PKD1L1: variants seen among roughly 807,000 people sequenced by gnomAD.
PKD1L1 encodes the protein polycystin-1-like protein 1.
PKD1L1 carries 236 observed loss-of-function variants against 323.4 expected under a neutral mutation model. That is an observed-to-expected ratio of 0.73 (90% CI 0.66 to 0.81). PKD1L1 has a LOEUF of 0.81. Among genes scored for constraint, PKD1L1 ranks in the 40% least tolerant of loss-of-function variants. The probability of loss-of-function intolerance (pLI) is 0.00; values close to 1 mark genes in which losing one functional copy is unlikely to be tolerated. For synonymous variants in PKD1L1, 1,344 were observed against 1,335.0 expected (o/e 1.01, Z -0.15); for missense variants, 3,320 against 3,508.0 (o/e 0.95, Z 1.35).
In PKD1L1 at chr7:47,897,963, T is replaced by C. The variant is rs112773044; in HGVS notation, c.2271+25A>G. The C allele has an allele frequency of 2.5e-5, 40 of 1,570,274 alleles. No homozygotes were observed. In the South Asian group the frequency reaches 3.5e-4, roughly 14 times the overall value. On this transcript the variant is annotated intron_variant, in intron 14 of 56. Transcript: ENST00000289672. Reference sequence around the variant, plus strand: ...AGAAGCATGGGTTTCATTGGGCCAGTAGAGCAGTAAGTCAGCCAGCTGACC... The same window carrying C: ...AGAAGCATGGGTTTCATTGGGCCAGCAGAGCAGTAAGTCAGCCAGCTGACC...
In PKD1L1 at chr7:47,931,785, C is replaced by T. The variant is rs182043269; in HGVS notation, c.519+151G>A. 1.2e-3 allele frequency: 1,259 copies of T among 1,058,288 alleles called. 2 individuals carry two copies. Among genetic ancestry groups the T allele is most frequent in the Non-Finnish European group, 1.6e-3 (1,179 of 742,210 alleles). The allele number at this position is 1,058,288 out of a possible 1,614,324, so 65.6% of individuals were successfully genotyped here. A position where few individuals can be genotyped will look rare whatever the true frequency, so the allele number is the denominator to read the frequency against. On this transcript the variant is annotated intron_variant, in intron 5 of 56. Transcript: ENST00000289672. ...AAATTTTAGAGATGCCTTCAAACTG[C>T]CTGAGCAGTGTCCAAATGACTTAGA...
chr7:47,880,286 T>TA lies in PKD1L1; in HGVS notation c.3520+441_3520+442insT, dbSNP rs1264486018. 9.4e-4 allele frequency among the ~76,000 whole-genome samples: 71 copies of TA among 75,550 alleles called. 1 individual carries two copies. The highest frequency in any genetic ancestry group is 5.9e-3 in the East Asian group (19 of 3,242). The allele number at this position is 75,550 out of a possible 152,430, so 49.6% of individuals were successfully genotyped here. On this transcript the variant is annotated intron_variant, in intron 21 of 56. Coordinates refer to ENST00000289672, the MANE Select transcript of PKD1L1 (RefSeq NM_138295.5). ...TATACATATATATATATATATATAT[T>TA]TTTTTTTTTTTTTTTGAGACAGTCT... is the stretch of plus-strand genomic sequence containing the variant.
At chr7:47,811,571 C>T (rs1402286165) in intron 50 of PKD1L1, among the ~76,000 whole-genome samples, 1 of 152,238 alleles carries the variant, frequency 6.6e-6, no homozygotes, top group Non-Finnish European at 1.5e-5. Context: ...TTTGGTACCT[C>T]AAGACAGCTC....
intron 8 of PKD1L1, among the ~76,000 whole-genome samples, chr7:47,912,815 CAAAAAA>C (rs59792729): frequency 4.7e-5 from 3 of 63,636 alleles, no homozygotes; most frequent in Admixed American, 2.1e-4. Context: ...GACTGTGTCT[CAAAAAA>C]AAAAAAAAAA....
chr7:47,908,037 G>C (rs759258486), intron 9 of PKD1L1, 40 bp downstream of exon 9: 1 of 1,593,760 alleles, frequency 6.3e-7, no homozygotes, highest in South Asian at 1.1e-5. Context: ...TTCATTTATA[G>C]TTGAAGTGTG....
intron 20 of PKD1L1, 96 bp from the exon 21 acceptor site, chr7:47,880,901 A>C (rs62447082): frequency 3.2e-6 from 3 of 934,126 alleles, no homozygotes; most frequent in Non-Finnish European, 4.7e-6. Context: ...CTCTTCCCCC[A>C]GGGGTGAAAT....
intron 7 of PKD1L1, among the ~76,000 whole-genome samples, chr7:47,921,338 C>A (rs780203437): frequency 1.3e-5 from 2 of 150,628 alleles, no homozygotes; most frequent in African/African-American, 4.9e-5. Flanking sequence ...AACTGCAATG[C>A]GATACCACTT....
At chr7:47,835,611 G>T (rs1379117755) in intron 37 of PKD1L1, among the ~76,000 whole-genome samples, 2 of 152,098 alleles carry the variant, frequency 1.3e-5, no homozygotes, top group African/African-American at 4.8e-5. Context: ...ATGTTGGCCA[G>T]GCTGCTCTCA....
chr7:47,855,305 G>A (rs1339892713), intron 28 of PKD1L1, 40 bp from the exon 29 acceptor site: 1 of 1,488,312 alleles, frequency 6.7e-7, no homozygotes, highest in South Asian at 1.2e-5. Context: ...ATGACAGCAA[G>A]CAATGGACTT....
At chr7:47,959,995 A>T in the PKD1L1 span, among the ~76,000 whole-genome samples, 1 of 149,324 alleles carries the variant, frequency 6.7e-6, no homozygotes, top group East Asian at 2.0e-4. Flanking sequence ...AGAGGTGGAC[A>T]CGGGAGACTT....
chr7:47,953,899 C>A, the PKD1L1 span, among the ~76,000 whole-genome samples: 1 of 152,216 alleles, frequency 6.6e-6, no homozygotes, highest in Non-Finnish European at 1.5e-5. Context: ...CTGGTTCTCA[C>A]TTCTGTCTGG....
chr7:47,792,949 G>A, intron 55 of PKD1L1, 152 bp from the exon 56 acceptor site: 1 of 671,390 alleles, frequency 1.5e-6, no homozygotes, highest in East Asian at 2.7e-5. Context: ...GAAGACCTGG[G>A]TGCTGGGCCT....
At chr7:47,845,569 G>A (rs1359613173) in intron 32 of PKD1L1, among the ~76,000 whole-genome samples, 2 of 152,176 alleles carry the variant, frequency 1.3e-5, no homozygotes, top group African/African-American at 4.8e-5. Flanking sequence ...GGTCCTAGGT[G>A]TTATTGATTT....
intron 34 of PKD1L1, among the ~76,000 whole-genome samples, chr7:47,841,344 C>G (rs976663148): frequency 6.6e-6 from 1 of 152,220 alleles, no homozygotes; most frequent in African/African-American, 2.4e-5. Context: ...CAGTACCTCT[C>G]CCGAGGTCAT....
In PKD1L1 at chr7:47,936,837, T is replaced by C. The variant is rs377618597; in HGVS notation, c.398+9A>G. The C allele has an allele frequency of 8.5e-5, 134 of 1,583,012 alleles. 3 individuals carry two copies. In the South Asian group the frequency reaches 9.3e-4, roughly 11 times the overall value. On this transcript the variant is annotated intron_variant, in intron 4 of 56. Coordinates refer to ENST00000289672, the MANE Select transcript of PKD1L1 (RefSeq NM_138295.5). ...AAAAGCAATATTTCGCCATGGTACA[T>C]TGACATACCTATCAGCACTGTTATC...
intron 9 of PKD1L1, 69 bp from the exon 10 acceptor site, chr7:47,906,031 C>T: frequency 7.3e-7 from 1 of 1,373,438 alleles, no homozygotes. Context: ...ATGCAACACA[C>T]AGTCAGTATT....
In PKD1L1 at chr7:47,882,045, A is replaced by T. The variant is rs777522975; in HGVS notation, c.3306T>A (p.Ser1102Arg). Residue 1102 changes from serine to arginine, a missense_variant, in exon 20 of 57, where the codon AGT becomes AGA. Physicochemically the swap from Ser to Arg is moderately radical, Grantham distance 110 (BLOSUM62 -1). Transcript: ENST00000289672. ...CCCCATCTCCAGGGCTCTCCTCGGC[A>T]CTCAAGCTAGGTCCTGATCCTGGAA... ...TSFPGSGPSL[S>R]AEESPGDGDN... The T allele has an allele frequency of 1.2e-6, 2 of 1,613,808 alleles. No homozygotes were observed. Among genetic ancestry groups the T allele is most frequent in the Non-Finnish European group, 1.7e-6 (2 of 1,179,942 alleles).
chr7:47,833,531 G>C (rs927223625), intron 40 of PKD1L1, among the ~76,000 whole-genome samples: 1 of 152,176 alleles, frequency 6.6e-6, no homozygotes. Context: ...TTCTCTGGGA[G>C]GCATGACCCT....
At chr7:47,801,672 C>G (rs577864354) in intron 53 of PKD1L1, among the ~76,000 whole-genome samples, 1 of 152,286 alleles carries the variant, frequency 6.6e-6, no homozygotes, top group South Asian at 2.1e-4. Context: ...CCTACAAATG[C>G]ACTAGGACTC....
Sources: allele counts gnomAD v4.1 joint callset (sites outside exome capture counted in the v4.1 genomes callset), GRCh38; gene constraint gnomAD v4.1.1; transcripts MANE v1.5; gene names NCBI Gene and HGNC (gene_info 2026-07-23, HGNC 2026-07-21).